NYNRIN: variants seen among roughly 807,000 people sequenced by gnomAD.
NYNRIN encodes protein NYNRIN.
A neutral mutation model predicts 146.6 loss-of-function variants in NYNRIN; 86 were observed. The observed-to-expected ratio is 0.59, with a 90% CI of 0.49 to 0.70. The LOEUF is 0.70. Among genes scored for constraint, NYNRIN ranks in the 30% least tolerant of loss-of-function variants. The pLI is 0.00. For synonymous variants in NYNRIN, 1,027 were observed against 1,001.3 expected, an observed-to-expected ratio of 1.03 and a Z score of -0.48; for missense variants, 2,191 against 2,377.7, an observed-to-expected ratio of 0.92 and a Z score of 1.63.
chr14:24,414,553 C>T (rs1171007983), intron 8 of NYNRIN, 43 bp from the exon 9 acceptor site: 12 of 1,542,640 alleles, frequency 7.8e-6, no homozygotes, highest in South Asian at 1.3e-5. Context: ...GAGGATTGCT[C>T]ACGATGGGGC....
chr14:24,415,452 G>A lies in NYNRIN; in HGVS notation c.3703G>A (p.Ala1235Thr). ...CCCGGTGGTCCTGGACCTTTCCTAT[G>A]CCTCCCGGACCACTGCGGACCCTGA... ...DTPVVLDLSY[A>T]SRTTADPEVR... is the part of the protein sequence containing the mutation. Residue 1235 changes from alanine to threonine, a missense_variant, in exon 9 of 9, where the codon GCC becomes ACC. Physicochemically the swap from Ala to Thr is moderately conservative, Grantham distance 58. Around this residue, in one of 3 missense-constraint regions of NYNRIN, gnomAD observed 1,291 missense variants for 1,417.0 expected, o/e 0.91. Coordinates refer to ENST00000382554, the MANE Select transcript of NYNRIN (RefSeq NM_025081.3). 1 of 1,613,890 alleles carries A rather than the reference G, an allele frequency of 6.2e-7. No homozygotes were observed.
rs2273634 is a variant in NYNRIN, at chr14:24,413,106, G to T, written c.2744+8G>T. On this transcript the variant is annotated splice_region_variant and intron_variant, in intron 7 of 8. Transcript: ENST00000382554. ...ACTGATGGTCAAAGATCGGTAAGAT[G>T]GTCCCCAGAGGCTTGAGCCATTCCT... The T allele has an allele frequency of 6.4e-7, 1 of 1,558,058 alleles. No homozygotes were observed. Among genetic ancestry groups the T allele is most frequent in the Admixed American group, 1.9e-5 (1 of 53,802 alleles).
rs2042933837 is a variant in NYNRIN at position 24,414,851 on chromosome 14, T to G, written c.3102T>G (p.Leu1034=). 1.9e-6 allele frequency: 3 copies of G among 1,611,742 alleles called. No homozygotes were observed. Among genetic ancestry groups the G allele is most frequent in the Admixed American group, 1.7e-5 (1 of 59,908 alleles). Residue 1034 remains leucine, a synonymous_variant, in exon 9 of 9, where the codon CTT becomes CTG. Transcript: ENST00000382554. The part of the protein sequence containing the change: ...ASVFRVECPS[L]SEEILRCLSL... ...TGTTCAGGGTGGAGTGCCCGTCCCT[T>G]TCGGAGGAGATCCTGCGGTGCCTCA... is the stretch of plus-strand genomic sequence containing the variant.
Position 24,412,990 on chromosome 14 carries a change from C to T in NYNRIN, c.2643-7C>T, listed in dbSNP as rs1451164151. ...TGGGTCATTAGTGACTTCCCCTCTC[C>T]CTGCAGGTTCATGGTAAAGCTGGCA... On this transcript the variant is annotated splice_polypyrimidine_tract_variant and splice_region_variant and intron_variant, in intron 6 of 8. Transcript: ENST00000382554. 5 of 1,581,564 alleles carry T rather than the reference C, an allele frequency of 3.2e-6. No homozygotes were observed. In the South Asian group the frequency reaches 3.5e-5, roughly 11 times the overall value.
rs1037632144 is a variant in NYNRIN at position 24,419,052 on chromosome 14, A to G, written c.*1606A>G. ...CTAGCTGTTAACCCTGTCCAGAAAA[A>G]TGATTGAGTGATAGCTGAGAAGTGG... On this transcript the variant is annotated 3_prime_UTR_variant, in exon 9 of 9. Transcript: ENST00000382554. 6.6e-6 allele frequency: 1 copy of G among 152,188 alleles called. No homozygotes were observed. The allele number at this position is 152,188 out of a possible 1,614,324, so 9.4% of individuals were successfully genotyped here.
rs1437695896 is a variant in NYNRIN at position 24,408,926 on chromosome 14, C to T, written c.1132C>T (p.His378Tyr). The part of the protein sequence containing the change: ...FWRINELHSL[H>Y]LAWLLSQACF... ...GAGGATCAATGAGCTGCATTCTCTA[C>T]ATCTGGCCTGGCTCCTGTCCCAGGC... Residue 378 changes from histidine (H) to tyrosine (Y), a missense_variant, in exon 4 of 9, where the codon CAT becomes TAT. By Grantham distance (83) the His-to-Tyr change is moderately conservative (BLOSUM62 2). This residue lies in a region of NYNRIN where 895 missense variants were observed against 941.2 expected (regional missense o/e 0.95). Coordinates refer to ENST00000382554, the MANE Select transcript of NYNRIN (RefSeq NM_025081.3). 1.1e-5 allele frequency: 17 copies of T among 1,613,928 alleles called. No individual in the cohort carries two copies. The highest frequency in any genetic ancestry group is 2.2e-5 in the East Asian group (1 of 44,902).
Position 24,411,309 on chromosome 14 carries a change from T to G in NYNRIN, c.2546-45T>G. 6.2e-7 allele frequency: 1 copy of G among 1,613,004 alleles called. No homozygotes were observed. The highest frequency in any genetic ancestry group is 8.5e-7 in the Non-Finnish European group (1 of 1,179,046). On this transcript the variant is annotated intron_variant, in intron 5 of 8. Coordinates refer to ENST00000382554, the MANE Select transcript of NYNRIN (RefSeq NM_025081.3). This position sits in a 1 kb window ranked among gnomAD's most constrained non-coding sequence, Gnocchi z 4.3. ...GCCACCCCAGAGTGGCCATTTCCAC[T>G]TAGCCCTCCCTTGACCATTTCTGTC...
rs765352066 is a variant in NYNRIN, at chr14:24,410,106, A to G, written c.2312A>G (p.Tyr771Cys). 2 of 1,613,984 alleles carry G rather than the reference A, an allele frequency of 1.2e-6. No homozygotes were observed. Among genetic ancestry groups the G allele is most frequent in the Non-Finnish European group, 1.7e-6 (2 of 1,179,912 alleles). Residue 771 changes from tyrosine (Y) to cysteine (C), a missense_variant, in exon 4 of 9, where the codon TAC (tyrosine) becomes TGC (cysteine). Around this residue, in one of 3 missense-constraint regions of NYNRIN, gnomAD observed 5 missense variants for 19.5 expected, o/e 0.26. Coordinates refer to ENST00000382554, the MANE Select transcript of NYNRIN (RefSeq NM_025081.3). ...AGCACAGTGACCAGCTTCCAGAGGT[A>G]CCACGAGGCCCTGAATACACCCTTC... ...ANSTVTSFQR[Y>C]HEALNTPFEL...
intron 2 of NYNRIN, among the ~76,000 whole-genome samples, chr14:24,402,950 C>T (rs1365174200): frequency 2.6e-5 from 4 of 152,174 alleles, no homozygotes; most frequent in African/African-American, 4.8e-5. Context: ...CTGGCATTTA[C>T]GCATCTCCAC....
At position 24,399,035 on chromosome 14, in the gene NYNRIN, C is replaced by A. The variant is rs933630570; in HGVS notation, c.-69C>A. The A allele has an allele frequency of 8.0e-5, 41 of 514,396 alleles. No individual in the cohort carries two copies. The highest frequency in any genetic ancestry group is 1.3e-4 in the Non-Finnish European group (38 of 295,188). 31.9% of individuals were successfully genotyped at this position (514,396 alleles called of 1,614,324 possible). A position where few individuals can be genotyped will look rare whatever the true frequency, so the allele number is the denominator to read the frequency against. On this transcript the variant is annotated 5_prime_UTR_variant, in exon 1 of 9. Coordinates refer to ENST00000382554, the MANE Select transcript of NYNRIN (RefSeq NM_025081.3). ...GGGCAGGAAGAGCTCGTCGCGGTAG[C>A]AGCGGTCGAAGGGGACCAAGCTCCA...
chr14:24,410,849 G>A (rs972113961), intron 4 of NYNRIN, among the ~76,000 whole-genome samples: 4 of 152,110 alleles, frequency 2.6e-5, no homozygotes, highest in Admixed American at 2.0e-4. Context: ...ACACACATGC[G>A]TACACACAGG....
intron 2 of NYNRIN, among the ~76,000 whole-genome samples, chr14:24,406,733 A>G (rs745819220): frequency 4.6e-5 from 7 of 152,040 alleles, no homozygotes; most frequent in Non-Finnish European, 7.4e-5. Flanking sequence ...GAGGGATGAG[A>G]GGGATGACTA....
In NYNRIN at chr14:24,417,505, C is replaced by T. The variant is rs563165019; in HGVS notation, c.*59C>T. ...CCGTGGGTTTCTGCTGCTAGGCCTC[C>T]CCCTGTCCCAGCAGTGCTCTCAGTC... On this transcript the variant is annotated 3_prime_UTR_variant, in exon 9 of 9. Transcript: ENST00000382554. 1.4e-6 allele frequency: 2 copies of T among 1,432,046 alleles called. No homozygotes were observed. Among genetic ancestry groups the T allele is most frequent in the East Asian group, 5.0e-5 (2 of 39,832 alleles). 88.7% of individuals were successfully genotyped at this position (1,432,046 alleles called of 1,614,324 possible). A position where few individuals can be genotyped will look rare whatever the true frequency, so the allele number is the denominator to read the frequency against.
At chr14:24,405,019 TGTGTGTGTGAGA>T (rs370379055) in intron 2 of NYNRIN, among the ~76,000 whole-genome samples, 19,419 of 94,578 alleles carry the variant, frequency 0.21, 1,368 homozygotes, top group African/African-American at 0.24. Flanking sequence ...TGTGTGTGTG[TGTGTGTGTGAGA>T]GAATGTGTGT....
rs1159240810 is a variant in NYNRIN at position 24,408,821 on chromosome 14, G to A, written c.1027G>A (p.Val343Met). The A allele has an allele frequency of 3.7e-6, 6 of 1,613,956 alleles. No homozygotes were observed. Among genetic ancestry groups the A allele is most frequent in the Non-Finnish European group, 5.1e-6 (6 of 1,179,900 alleles). ...LFQPPVSALGVCPPWKAWTPG... is the reference protein window; with the variant it reads ...LFQPPVSALGMCPPWKAWTPG... ...CCAACCTCCAGTATCAGCCCTGGGT[G>A]TGTGCCCACCCTGGAAGGCCTGGAC... The change falls in exon 4 of 9, where the codon GTG (valine) becomes ATG (methionine). Residue 343 changes from valine (V) to methionine (M), a missense_variant. By Grantham distance (21) the Val-to-Met change is conservative. Transcript: ENST00000382554.
intron 2 of NYNRIN, among the ~76,000 whole-genome samples, chr14:24,406,980 G>A (rs565622246): frequency 1.1e-3 from 161 of 152,376 alleles, no homozygotes; most frequent in African/African-American, 3.8e-3. Context: ...GCTATTGTGT[G>A]TATGTGCGGG....
Position 24,414,636 on chromosome 14 carries a change from A to G in NYNRIN, c.2887A>G (p.Thr963Ala), listed in dbSNP as rs1403764493. The change falls in exon 9 of 9, where the codon ACC becomes GCC. Residue 963 changes from threonine to alanine, a missense_variant. By Grantham distance (58) the Thr-to-Ala change is moderately conservative. Transcript: ENST00000382554. Reference sequence around the variant, plus strand: ...TGGCAACTTCCTGAAGGTGTGGAAGACCCTTCCTCCCAGCTCAGCCAGTGT... The same window carrying G: ...TGGCAACTTCCTGAAGGTGTGGAAGGCCCTTCCTCCCAGCTCAGCCAGTGT... The part of the protein sequence containing the change: ...DIGNFLKVWK[T>A]LPPSSASVTE... 1 of 1,613,418 alleles carries G rather than the reference A, an allele frequency of 6.2e-7. No individual in the cohort carries two copies. The highest frequency in any genetic ancestry group is 8.5e-7 in the Non-Finnish European group (1 of 1,179,618).
rs2042894295 is a variant in NYNRIN, at chr14:24,409,148, AT to A, written c.1357del (p.Ser453ProfsTer16). 1.2e-6 allele frequency: 2 copies of A among 1,613,808 alleles called. No individual in the cohort carries two copies. Among genetic ancestry groups the A allele is most frequent in the Admixed American group, 3.3e-5 (2 of 60,008 alleles). On this transcript the variant is annotated frameshift_variant, in exon 4 of 9. Transcript: ENST00000382554. LOFTEE classifies it high-confidence loss of function. Reference sequence around the variant, plus strand: ...CCTGCAGAATTGCCCAAGGCCAGAGATTTCCCCAAAAGTTACGAGTTTATTG... The same window carrying A: ...CCTGCAGAATTGCCCAAGGCCAGAGATTCCCCAAAAGTTACGAGTTTATTG... ...AALQNCPRPE[I>X]SPKVTSLLVV... is the part of the protein sequence containing the mutation.
In NYNRIN at chr14:24,415,483, G is replaced by T. The variant is rs368016452; in HGVS notation, c.3734G>T (p.Arg1245Leu). 2 of 1,613,722 alleles carry T rather than the reference G, an allele frequency of 1.2e-6. No homozygotes were observed. Among genetic ancestry groups the T allele is most frequent in the Non-Finnish European group, 1.7e-6 (2 of 1,179,840 alleles). The change falls in exon 9 of 9, where the codon CGG (arginine) becomes CTG (leucine). Residue 1245 changes from arginine to leucine, a missense_variant. Physicochemically the swap from Arg to Leu is moderately radical, Grantham distance 102. This residue lies in a region of NYNRIN where 1,291 missense variants were observed against 1,417.0 expected (regional missense o/e 0.91). Transcript: ENST00000382554. ...ASRTTADPEVREGRRVSKAWL... is the reference protein window; with the variant it reads ...ASRTTADPEVLEGRRVSKAWL... ...CGGACCACTGCGGACCCTGAGGTGC[G>T]GGAGGGCCGCAGGGTTTCCAAAGCT...
Sources: gnomAD v4.1 joint callset for allele counts (sites outside exome capture counted in the v4.1 genomes callset) on GRCh38, gnomAD v4.1.1 for gene constraint, gnomAD v4.1.1 regional missense constraint, Gnocchi (gnomAD v3.1) non-coding constraint, MANE v1.5 for transcripts, NCBI Gene and HGNC (gene_info 2026-07-23, HGNC 2026-07-21) for gene names.